ANKIB1: variants seen among roughly 807,000 people sequenced by gnomAD.
The protein encoded by ANKIB1 is ankyrin repeat and IBR domain-containing protein 1.
Under a neutral mutation model 122.1 loss-of-function variants are expected in ANKIB1, and 43 were observed. The ratio of observed to expected loss-of-function variants is 0.35; its 90% CI spans 0.28 to 0.45. The LOEUF is 0.45. Ranked by LOEUF, ANKIB1 falls within the 20% of genes least tolerant of loss-of-function variation. ANKIB1 has a pLI of 1.00. For synonymous variants in ANKIB1, 390 were observed against 442.0 expected (o/e 0.88, Z 1.48); for missense variants, 992 against 1,329.5 (o/e 0.75, Z 3.95).
At chr7:92,337,320 C>T (rs1190528108) in intron 5 of ANKIB1, among the ~76,000 whole-genome samples, 2 of 152,092 alleles carry the variant, frequency 1.3e-5, no homozygotes, top group African/African-American at 4.8e-5. Context: ...AAGAATTAGG[C>T]TATTGGTTTG....
At chr7:92,249,241 C>T (rs868312248) in intron 1 of ANKIB1, among the ~76,000 whole-genome samples, 2 of 152,250 alleles carry the variant, frequency 1.3e-5, no homozygotes, top group Admixed American at 6.5e-5. Flanking sequence ...TGAGCATCTA[C>T]TGTGTGTGCC....
chr7:92,334,119 T>C (rs1351779964), intron 5 of ANKIB1, among the ~76,000 whole-genome samples: 1 of 152,136 alleles, frequency 6.6e-6, no homozygotes, highest in Non-Finnish European at 1.5e-5. Flanking sequence ...CTTGCATTCA[T>C]TTGTGATTAC....
At chr7:92,307,722 A>AG (rs1323605361) in intron 3 of ANKIB1, 66 bp downstream of exon 3, 1 of 1,200,560 alleles carries the variant, frequency 8.3e-7, no homozygotes, top group African/African-American at 1.7e-5. Context: ...TGTAACTGTC[A>AG]GGTTTTTTTT....
At chr7:92,382,945 T>A (rs987687011) in intron 11 of ANKIB1, among the ~76,000 whole-genome samples, 1 of 151,758 alleles carries the variant, frequency 6.6e-6, no homozygotes, top group Non-Finnish European at 1.5e-5. Context: ...AATCAATGAG[T>A]CCAGGAGCTG....
intron 3 of ANKIB1, among the ~76,000 whole-genome samples, chr7:92,308,667 G>T (rs576504909): frequency 9.9e-4 from 151 of 151,906 alleles, no homozygotes; most frequent in African/African-American, 3.6e-3. Flanking sequence ...CAACTAATTA[G>T]ATAAAATCAC....
In ANKIB1 at chr7:92,401,223, G is replaced by A. The variant is rs1805004736; in HGVS notation, c.*2274G>A. 1 of 152,004 alleles carries A rather than the reference G, an allele frequency of 6.6e-6. No homozygotes were observed. Among genetic ancestry groups the A allele is most frequent in the African/African-American group, 2.4e-5 (1 of 41,386 alleles). 9.4% of individuals were successfully genotyped at this position (152,004 alleles called of 1,614,324 possible). ...TAATTTTATAATGTAAAAAAAAAAA[G>A]TTAATCTAACCTTGACTTGTTATTT... On this transcript the variant is annotated 3_prime_UTR_variant, in exon 20 of 20. Transcript: ENST00000265742.
At chr7:92,367,371 AT>A (rs1446833300) in intron 10 of ANKIB1, among the ~76,000 whole-genome samples, 3 of 152,234 alleles carry the variant, frequency 2.0e-5, no homozygotes, top group African/African-American at 7.2e-5. Flanking sequence ...AAAGTGAACA[AT>A]AATTGGCCAA....
At chr7:92,335,765 T>C (rs777503731) in intron 5 of ANKIB1, among the ~76,000 whole-genome samples, 2 of 152,056 alleles carry the variant, frequency 1.3e-5, no homozygotes, top group African/African-American at 2.4e-5. Context: ...ACATTTAATG[T>C]AATATTGTTG....
At chr7:92,268,830 A>G (rs1324849773) in intron 1 of ANKIB1, among the ~76,000 whole-genome samples, 2 of 152,272 alleles carry the variant, frequency 1.3e-5, no homozygotes, top group South Asian at 2.1e-4. Flanking sequence ...TGGACTAGGT[A>G]TTTCCTTTCG....
At chr7:92,364,017 G>C (rs1192693101) in intron 10 of ANKIB1, among the ~76,000 whole-genome samples, 1 of 152,116 alleles carries the variant, frequency 6.6e-6, no homozygotes, top group Non-Finnish European at 1.5e-5. Context: ...TTAGTCAACA[G>C]ATTTTTTAAG....
chr7:92,280,530 T>C (rs2131901570), intron 1 of ANKIB1, among the ~76,000 whole-genome samples: 1 of 149,520 alleles, frequency 6.7e-6, no homozygotes, highest in South Asian at 2.2e-4. Context: ...TCCCTGGCAC[T>C]TGGAGGAGAA....
intron 15 of ANKIB1, among the ~76,000 whole-genome samples, chr7:92,390,565 A>G (rs1339107069): frequency 6.6e-6 from 1 of 152,240 alleles, no homozygotes; most frequent in African/African-American, 2.4e-5. Flanking sequence ...TGGCATCACT[A>G]TAGCCAAATA....
intron 1 of ANKIB1, among the ~76,000 whole-genome samples, chr7:92,281,265 C>G (rs920921726): frequency 4.6e-5 from 7 of 152,166 alleles, no homozygotes; most frequent in Admixed American, 4.6e-4. Flanking sequence ...TAGGTACCTT[C>G]TAACTAGCAT....
At chr7:92,300,394 A>G (rs1802436766) in intron 2 of ANKIB1, among the ~76,000 whole-genome samples, 1 of 152,156 alleles carries the variant, frequency 6.6e-6, no homozygotes, top group South Asian at 2.1e-4. Context: ...ACAATGGCTC[A>G]TAATTTTTTA....
At chr7:92,362,336 T>C in intron 10 of ANKIB1, 63 bp downstream of exon 10, 1 of 1,426,208 alleles carries the variant, frequency 7.0e-7, no homozygotes, top group Admixed American at 2.0e-5. Context: ...GATAATGTGG[T>C]CATATCTTTT....
intron 1 of ANKIB1, among the ~76,000 whole-genome samples, chr7:92,248,584 T>C (rs1481940973): frequency 1.3e-5 from 2 of 152,194 alleles, no homozygotes. Context: ...TCCTCAGTGC[T>C]TTGGGTAATT....
At chr7:92,386,433 ATTGG>A in intron 11 of ANKIB1, 72 bp from the exon 12 acceptor site, 1 of 1,400,450 alleles carries the variant, frequency 7.1e-7, no homozygotes, top group Non-Finnish European at 9.5e-7. Context: ...ATCTTTACAG[ATTGG>A]TTGGCTATAA....
chr7:92,259,618 T>C (rs1406021708), intron 1 of ANKIB1, among the ~76,000 whole-genome samples: 1 of 152,228 alleles, frequency 6.6e-6, no homozygotes, highest in Non-Finnish European at 1.5e-5. Flanking sequence ...AATTGTCAAC[T>C]TCCAGGTTGT....
intron 11 of ANKIB1, among the ~76,000 whole-genome samples, chr7:92,384,380 A>G (rs1056745386): frequency 6.6e-6 from 1 of 152,186 alleles, no homozygotes; most frequent in Non-Finnish European, 1.5e-5. Context: ...AATTGGAAAA[A>G]ACTACTTTAA....
Sources: allele counts gnomAD v4.1 joint callset (sites outside exome capture counted in the v4.1 genomes callset), GRCh38; gene constraint gnomAD v4.1.1; transcripts MANE v1.5; gene names NCBI Gene and HGNC (gene_info 2026-07-23, HGNC 2026-07-21).